RDH13: variants seen among roughly 807,000 people sequenced by gnomAD.
RDH13 encodes retinol dehydrogenase 13, also known as retinol dehydrogenase 13 (all-trans and 9-cis).
Under a neutral mutation model 28.3 loss-of-function variants are expected in RDH13, and 35 were observed. The observed-to-expected ratio is 1.24, with a 90% CI of 0.95 to 1.64. The LOEUF is 1.64. Ranked by LOEUF, RDH13 falls within the 40% of genes most tolerant of loss-of-function variation. RDH13 has a pLI of 0.00. For synonymous variants in RDH13, 229 were observed against 198.5 expected (o/e 1.15, Z -1.29); for missense variants, 514 against 446.3 (o/e 1.15, Z -1.37).
In RDH13 at chr19:55,051,190, G is replaced by A. The variant is rs568261799; in HGVS notation, c.341-2427C>T. ...GTGCAGCTGAGAGCCACTTCCACTC[G>A]TGAGAGAATCTACCCGTGACAGAGC... On this transcript the variant is annotated intron_variant, in intron 3 of 6. Transcript: ENST00000415061. Among the ~76,000 whole-genome samples the A allele has an allele frequency of 1.8e-4, 27 of 152,292 alleles. No individual in the cohort carries two copies. In the East Asian group the frequency reaches 4.1e-3, roughly 23 times the overall value.
intron 1 of RDH13, among the ~76,000 whole-genome samples, chr19:55,060,585 G>A (rs1402165973): frequency 1.3e-5 from 2 of 152,162 alleles, no homozygotes; most frequent in Non-Finnish European, 2.9e-5. Flanking sequence ...GGTCCCCTGG[G>A]CCCACTGTTG....
intron 3 of RDH13, among the ~76,000 whole-genome samples, chr19:55,050,123 T>C (rs540896217): frequency 3.7e-5 from 4 of 106,852 alleles, no homozygotes; most frequent in Non-Finnish European, 8.6e-5. Context: ...TTTTTTTTTT[T>C]TTGGGGGGGG....
In RDH13 at chr19:55,047,228, A is replaced by T. The variant is rs190102405; in HGVS notation, c.760+159T>A. The T allele has an allele frequency of 5.6e-6, 8 of 1,417,098 alleles. No homozygotes were observed. In the African/African-American group the frequency reaches 1.0e-4, roughly 18 times the overall value. 87.8% of individuals were successfully genotyped at this position (1,417,098 alleles called of 1,614,324 possible). On this transcript the variant is annotated intron_variant, in intron 6 of 6. Transcript: ENST00000415061. Reference sequence around the variant, plus strand: ...TGTTAGAGGCTGGCAGGCCAGGTCAACGGAGGAAAGGGACCTGTGCTCTGT... The same window carrying T: ...TGTTAGAGGCTGGCAGGCCAGGTCATCGGAGGAAAGGGACCTGTGCTCTGT...
At chr19:55,039,937 C>T (rs1023000777), downstream of RDH13, among the ~76,000 whole-genome samples, 3 of 152,196 alleles carry the variant, frequency 2.0e-5, no homozygotes, top group African/African-American at 7.2e-5. Context: ...CCGGACTTGA[C>T]AGATAAATAC....
chr19:55,052,689 T>A (rs1164881063), intron 3 of RDH13, among the ~76,000 whole-genome samples: 1 of 146,014 alleles, frequency 6.8e-6, no homozygotes, highest in Non-Finnish European at 1.5e-5. Context: ...TGAGATGGAG[T>A]CTCACTCTGT....
intron 1 of RDH13, among the ~76,000 whole-genome samples, chr19:55,060,854 C>T (rs914186988): frequency 3.3e-5 from 5 of 151,884 alleles, no homozygotes; most frequent in African/African-American, 1.2e-4. Context: ...TTAAAATGCC[C>T]GCTGCACGAG....
downstream of RDH13, chr19:55,039,590 C>G (rs1321546838): frequency 6.6e-6 from 1 of 151,336 alleles, no homozygotes; most frequent in Non-Finnish European, 1.5e-5. Context: ...GCCTGTAATC[C>G]TAGTACTTTA....
At chr19:55,057,366 G>A (rs1261449703) in intron 2 of RDH13, among the ~76,000 whole-genome samples, 1 of 151,800 alleles carries the variant, frequency 6.6e-6, no homozygotes, top group Non-Finnish European at 1.5e-5. Context: ...GAATTGGTCG[G>A]GCACGGTGGC....
chr19:55,059,227 C>A lies in RDH13; in HGVS notation c.114G>T (p.Gly38=). ...GACPSKATIP[G]KTVIVTGANT... ...TGGCACCCGTCACGATGACCGTCTT[C>A]CCAGGGATGGTGGCCTTGCTGGGGC... The change falls in exon 2 of 7, where the codon GGG becomes GGT. Residue 38 remains glycine, a synonymous_variant. Coordinates refer to ENST00000415061, the MANE Select transcript of RDH13 (RefSeq NM_001145971.2). 1 of 1,605,738 alleles carries A rather than the reference C, an allele frequency of 6.2e-7. No individual in the cohort carries two copies. The highest frequency in any genetic ancestry group is 8.5e-7 in the Non-Finnish European group (1 of 1,176,212).
chr19:55,051,977 C>T (rs2075455076), intron 3 of RDH13, among the ~76,000 whole-genome samples: 1 of 151,994 alleles, frequency 6.6e-6, no homozygotes. Context: ...GGCAATTCGC[C>T]CACCTCGGCC....
chr19:55,052,945 A>AGTCACCAC (rs1555822465), intron 3 of RDH13, among the ~76,000 whole-genome samples: 1 of 151,116 alleles, frequency 6.6e-6, no homozygotes, highest in Non-Finnish European at 1.5e-5. Context: ...TACAGGCGTG[A>AGTCACCAC]GCCTGCACGC....
rs540331757 is a variant in RDH13, at chr19:55,045,384, G to A, written c.761-75C>T. 421 of 1,218,156 alleles carry A rather than the reference G, an allele frequency of 3.5e-4. 1 individual carries two copies. The highest frequency in any genetic ancestry group is 4.1e-4 in the Non-Finnish European group (351 of 863,274). 75.5% of individuals were successfully genotyped at this position (1,218,156 alleles called of 1,614,324 possible). A position where few individuals can be genotyped will look rare whatever the true frequency, so the allele number is the denominator to read the frequency against. ...AAGGAAGCCCCGCTCCCCGGTCAGGGAGCTCCGGGTCCCTGGAGTCCCACA... is the reference window on the plus strand; with the variant it reads ...AAGGAAGCCCCGCTCCCCGGTCAGGAAGCTCCGGGTCCCTGGAGTCCCACA... On this transcript the variant is annotated intron_variant, in intron 6 of 6. Coordinates refer to ENST00000415061, the MANE Select transcript of RDH13 (RefSeq NM_001145971.2).
intron 5 of RDH13, 189 bp downstream of exon 5, chr19:55,048,139 TC>T: frequency 6.5e-7 from 1 of 1,533,350 alleles, no homozygotes; most frequent in South Asian, 1.2e-5. Flanking sequence ...GAACAGACAA[TC>T]CTCAGAAGAA....
At chr19:55,039,736 G>A (rs2074969404), downstream of RDH13, 1 of 151,952 alleles carries the variant, frequency 6.6e-6, no homozygotes, top group Admixed American at 6.6e-5. Flanking sequence ...CTACTCCGGA[G>A]GCTGAGACAG....
In RDH13 at chr19:55,057,581, T is replaced by TACC. The variant is rs201580601; in HGVS notation, c.185-776_185-774dup. Among the ~76,000 whole-genome samples, 601 of 151,876 alleles carry TACC rather than the reference T, an allele frequency of 4.0e-3. 7 individuals are homozygous for TACC. The highest frequency in any genetic ancestry group is 0.014 in the African/African-American group (564 of 41,474). On this transcript the variant is annotated intron_variant, in intron 2 of 6. Transcript: ENST00000415061. ...CCGAGTAGCTGGGATTACAGGCACC[T>TACC]ACCACAACTAGCTAATTTTTTATTT...
At position 55,048,423 on chromosome 19, in the gene RDH13, GT is replaced by G; in HGVS notation, c.563del (p.Asn188ThrfsTer27). 6.2e-7 allele frequency: 1 copy of G among 1,614,218 alleles called. No homozygotes were observed. Among genetic ancestry groups the G allele is most frequent in the Non-Finnish European group, 8.5e-7 (1 of 1,180,048 alleles). ...VAGHIDFDDL[N>X]WQTRKYNTKA... ...TGGTGTTATACTTCCTCGTCTGCCA[GT>G]TCAAGTCGTCAAAGTCTATGTGCCC... On this transcript the variant is annotated frameshift_variant, in exon 5 of 7. Coordinates refer to ENST00000415061, the MANE Select transcript of RDH13 (RefSeq NM_001145971.2). LOFTEE classifies it high-confidence loss of function.
upstream of RDH13, among the ~76,000 whole-genome samples, chr19:55,066,388 T>C (rs545285008): frequency 6.6e-6 from 1 of 152,238 alleles, no homozygotes; most frequent in East Asian, 1.9e-4. Flanking sequence ...CGTTCTTCTC[T>C]ATCTCTCCTC....
chr19:55,067,961 C>T (rs11084389), upstream of RDH13, among the ~76,000 whole-genome samples: 129,903 of 145,962 alleles, frequency 0.89, 57,943 homozygotes, highest in African/African-American at 0.91. Flanking sequence ...CCCCCTCCTC[C>T]GTGTCTCCTC....
intron 5 of RDH13, 120 bp downstream of exon 5, chr19:55,048,209 C>T (rs761085935): frequency 2.6e-6 from 4 of 1,547,674 alleles, no homozygotes; most frequent in Non-Finnish European, 2.6e-6. Flanking sequence ...TCCACATGCT[C>T]TACTTTTGCT....
Sources: gnomAD v4.1 joint callset for allele counts (sites outside exome capture counted in the v4.1 genomes callset) on GRCh38, gnomAD v4.1.1 for gene constraint, MANE v1.5 for transcripts, NCBI Gene and HGNC (gene_info 2026-07-23, HGNC 2026-07-21) for gene names.